Variants in ERC1 observed in about 807,000 individuals in gnomAD.
The protein encoded by ERC1 is RAB6 interacting protein 2.
A neutral mutation model predicts 132.0 loss-of-function variants in ERC1; 56 were observed. The ratio of observed to expected loss-of-function variants is 0.42; its 90% CI spans 0.34 to 0.53. The LOEUF is 0.53. Ranked by LOEUF, ERC1 falls within the 20% of genes least tolerant of loss-of-function variation. The pLI, the probability that ERC1 is intolerant of heterozygous loss-of-function variation, is 0.03. For missense variants in ERC1, 1,202 were observed against 1,349.9 expected, an observed-to-expected ratio of 0.89 and a Z score of 1.72; for synonymous variants, 478 against 476.1, an observed-to-expected ratio of 1.00 and a Z score of -0.05.
chr12:1,020,679 G>C (rs960109822), intron 1 of ERC1: 1 of 152,212 alleles, frequency 6.6e-6, no homozygotes, highest in African/African-American at 2.4e-5. Context: ...TCACAGGGTA[G>C]TTTGAAGTTT....
intron 18 of ERC1, among the ~76,000 whole-genome samples, chr12:1,455,530 A>T (rs767917032): frequency 6.6e-6 from 1 of 152,114 alleles, no homozygotes; most frequent in Non-Finnish European, 1.5e-5. Context: ...ATTTCTCCTC[A>T]TGTATAAGAT....
chr12:1,316,383 A>G (rs2081725295), intron 15 of ERC1, among the ~76,000 whole-genome samples: 1 of 152,214 alleles, frequency 6.6e-6, no homozygotes, highest in Admixed American at 6.5e-5. Flanking sequence ...ACTGTCACAT[A>G]TACCAGGCAT....
At position 1,383,874 on chromosome 12, in the gene ERC1, A is replaced by C. The variant is rs2089005657; in HGVS notation, c.2925+11897A>C. On this transcript the variant is annotated intron_variant, in intron 16 of 18. Coordinates refer to ENST00000360905, the MANE Select transcript of ERC1 (RefSeq NM_178040.4). ...CTATTTTGAGTTCTTTATGTGAATT[A>C]ATTCATTTAATCATCACTACAGCCC... is the stretch of plus-strand genomic sequence containing the variant. Among the ~76,000 whole-genome samples the C allele has an allele frequency of 2.0e-5, 3 of 152,206 alleles. No homozygotes were observed. The South Asian group carries it at 6.2e-4, about 31-fold the overall frequency.
chr12:1,482,528 C>T (rs768384853), intron 18 of ERC1, among the ~76,000 whole-genome samples: 7 of 152,106 alleles, frequency 4.6e-5, no homozygotes, highest in Non-Finnish European at 1.0e-4. Flanking sequence ...CTCACTGCAA[C>T]ACCCACCTCT....
intron 1 of ERC1, among the ~76,000 whole-genome samples, chr12:994,824 C>A (rs1053596509): frequency 6.6e-6 from 1 of 151,838 alleles, no homozygotes; most frequent in Admixed American, 6.6e-5. Flanking sequence ...AGGCCGGGTG[C>A]GGTGGCTCAC....
At chr12:990,964 T>TGC (rs1959181527), upstream of ERC1, 1 of 151,882 alleles carries the variant, frequency 6.6e-6, no homozygotes. Flanking sequence ...TGTGTGTGTG[T>TGC]GTGCAGGGAC....
chr12:1,072,343 A>G (rs1444879799), intron 2 of ERC1, among the ~76,000 whole-genome samples: 1 of 152,224 alleles, frequency 6.6e-6, no homozygotes, highest in Non-Finnish European at 1.5e-5. Context: ...AGGAAAATTT[A>G]TGAAGGAAGA....
Position 1,241,847 on chromosome 12 carries a change from C to CTTTTTTTT in ERC1, c.2487+4963_2487+4970dup, listed in dbSNP as rs57016547. Among the ~76,000 whole-genome samples, 133 of 80,508 alleles carry CTTTTTTTT rather than the reference C, an allele frequency of 1.7e-3. 7 individuals are homozygous for CTTTTTTTT. Among genetic ancestry groups the CTTTTTTTT allele is most frequent in the Non-Finnish European group, 2.0e-3 (88 of 43,944 alleles). 52.8% of individuals were successfully genotyped at this position (80,508 alleles called of 152,430 possible). A position where few individuals can be genotyped will look rare whatever the true frequency, so the allele number is the denominator to read the frequency against. Reference sequence around the variant, plus strand: ...CCAATTTTTTGCATTTCTTCTTCTTCTTTTTTTTTTTTTTTTTTTTTTTTT... The same window carrying CTTTTTTTT: ...CCAATTTTTTGCATTTCTTCTTCTTCTTTTTTTTTTTTTTTTTTTTTTTTTTTTTTTTT... On this transcript the variant is annotated intron_variant, in intron 13 of 18. Coordinates refer to ENST00000360905, the MANE Select transcript of ERC1 (RefSeq NM_178040.4).
chr12:1,185,111 A>G (rs1028092070), intron 11 of ERC1, among the ~76,000 whole-genome samples: 2 of 152,050 alleles, frequency 1.3e-5, no homozygotes, highest in Non-Finnish European at 2.9e-5. Context: ...GGGTTTCACT[A>G]TTTTGACCAG....
chr12:1,358,490 T>A lies in ERC1; in HGVS notation c.2781-13343T>A, dbSNP rs141449487. Among the ~76,000 whole-genome samples the A allele has an allele frequency of 8.8e-4, 134 of 152,286 alleles. 1 individual carries two copies. The highest frequency in any genetic ancestry group is 3.1e-3 in the African/African-American group (128 of 41,538). On this transcript the variant is annotated intron_variant, in intron 15 of 18. Coordinates refer to ENST00000360905, the MANE Select transcript of ERC1 (RefSeq NM_178040.4). ...AAGGATGTAGGGAATCAGAGGTATG[T>A]AATACCTTAATGTTGGTCTTTTAAA... is the stretch of plus-strand genomic sequence containing the variant.
chr12:1,395,934 T>TAAA lies in ERC1; in HGVS notation c.2926-12206_2926-12204dup, dbSNP rs34938767. Among the ~76,000 whole-genome samples, 650 of 148,566 alleles carry TAAA rather than the reference T, an allele frequency of 4.4e-3. 2 individuals carry two copies. The highest frequency in any genetic ancestry group is 0.014 in the African/African-American group (569 of 40,594). On this transcript the variant is annotated intron_variant, in intron 16 of 18. Coordinates refer to ENST00000360905, the MANE Select transcript of ERC1 (RefSeq NM_178040.4). ...TAAGAAGAAAAACTACATGGAGTCT[T>TAAA]AAAAAAAAAAATCACTGAGTCCTAA... is the stretch of plus-strand genomic sequence containing the variant.
chr12:1,266,391 C>CTTTTTTTTTTTTTTTTTTT, intron 14 of ERC1, among the ~76,000 whole-genome samples: 1 of 43,016 alleles, frequency 2.3e-5, no homozygotes, highest in Non-Finnish European at 4.0e-5. Flanking sequence ...CGTTTCCTGT[C>CTTTTTTTTTTTTTTTTTTT]TTTTTTTTTT....
intron 1 of ERC1, among the ~76,000 whole-genome samples, chr12:1,025,751 G>C (rs1443216822): frequency 2.7e-5 from 4 of 150,198 alleles, no homozygotes; most frequent in Non-Finnish European, 1.5e-5. Flanking sequence ...TTCTCATGTT[G>C]CTAATACAGA....
intron 10 of ERC1, among the ~76,000 whole-genome samples, chr12:1,182,815 C>T (rs1033300799): frequency 2.7e-5 from 4 of 148,374 alleles, no homozygotes; most frequent in Non-Finnish European, 5.9e-5. Context: ...GTGTGCACTA[C>T]CATGCCCAGC....
chr12:1,422,939 T>C (rs2092481295), intron 17 of ERC1, among the ~76,000 whole-genome samples: 1 of 152,254 alleles, frequency 6.6e-6, no homozygotes, highest in Admixed American at 6.5e-5. Flanking sequence ...TGCATTTGCA[T>C]GCAAATGATT....
chr12:1,196,749 C>T (rs1314434773), intron 12 of ERC1, among the ~76,000 whole-genome samples: 6 of 150,916 alleles, frequency 4.0e-5, no homozygotes, highest in Non-Finnish European at 5.9e-5. Flanking sequence ...CTTGGCCTCC[C>T]AAAGTGCTGG....
chr12:1,425,570 GGTCTCACGCA>G (rs1203868892), intron 17 of ERC1, among the ~76,000 whole-genome samples: 3 of 152,292 alleles, frequency 2.0e-5, no homozygotes, highest in African/African-American at 7.2e-5. Flanking sequence ...TGTGAACAAA[GGTCTCACGCA>G]GTCATTTCTC....
intron 17 of ERC1, among the ~76,000 whole-genome samples, chr12:1,441,816 G>C (rs1222864482): frequency 6.6e-6 from 1 of 152,240 alleles, no homozygotes; most frequent in Non-Finnish European, 1.5e-5. Context: ...ACAGAACCGT[G>C]ATGAGACGGT....
intron 15 of ERC1, among the ~76,000 whole-genome samples, chr12:1,334,938 C>T (rs1241219542): frequency 1.3e-5 from 2 of 152,144 alleles, no homozygotes; most frequent in African/African-American, 4.8e-5. Context: ...TTGTAGAGAT[C>T]TTTCACCTGC....
Sources: gnomAD v4.1 joint callset for allele counts (sites outside exome capture counted in the v4.1 genomes callset) on GRCh38, gnomAD v4.1.1 for gene constraint, MANE v1.5 for transcripts, NCBI Gene and HGNC (gene_info 2026-07-23, HGNC 2026-07-21) for gene names.